TCF4: variants seen among roughly 807,000 people sequenced by gnomAD.
TCF4 encodes the protein transcription factor 4.
A neutral mutation model predicts 82.1 loss-of-function variants in TCF4; 3 were observed. The ratio of observed to expected loss-of-function variants is 0.04; its 90% CI spans 0.02 to 0.09. The LOEUF (loss-of-function observed/expected upper bound fraction) is 0.09. Among genes scored for constraint, TCF4 ranks in the 10% least tolerant of loss-of-function variants. The pLI, the probability that TCF4 is intolerant of heterozygous loss-of-function variation, is 1.00. For synonymous variants in TCF4, 276 were observed against 309.6 expected (o/e 0.89, Z 1.14); for missense variants, 518 against 852.7 (o/e 0.61, Z 4.89).
At chr18:55,234,082 G>A (rs982857183) in intron 16 of TCF4, among the ~76,000 whole-genome samples, 60 of 152,194 alleles carry the variant, frequency 3.9e-4, no homozygotes, top group African/African-American at 1.4e-3. Flanking sequence ...CCGGTATGAG[G>A]CAATCATTAG....
chr18:55,331,088 A>C (rs972642325), intron 8 of TCF4, among the ~76,000 whole-genome samples: 2 of 152,232 alleles, frequency 1.3e-5, no homozygotes, highest in African/African-American at 4.8e-5. Flanking sequence ...CAGTTGACCA[A>C]GCAAAACTCC....
At chr18:55,510,245 C>A (rs1014557542) in intron 3 of TCF4, among the ~76,000 whole-genome samples, 4 of 152,154 alleles carry the variant, frequency 2.6e-5, no homozygotes, top group African/African-American at 9.7e-5. Flanking sequence ...GACTGAGTCA[C>A]AGCAGAGGAT....
intron 3 of TCF4, among the ~76,000 whole-genome samples, chr18:55,490,464 C>G (rs1056487665): frequency 1.3e-5 from 2 of 152,048 alleles, no homozygotes; most frequent in Admixed American, 1.3e-4. Context: ...TACTGTTTGA[C>G]AGATTAAATG....
intron 15 of TCF4, among the ~76,000 whole-genome samples, chr18:55,246,205 G>T (rs1437976261): frequency 2.0e-5 from 3 of 151,548 alleles, no homozygotes; most frequent in African/African-American, 7.3e-5. Flanking sequence ...AGAATATGAT[G>T]AGGTTATAGG....
At chr18:55,537,437 A>G (rs2146871389) in intron 3 of TCF4, among the ~76,000 whole-genome samples, 1 of 152,182 alleles carries the variant, frequency 6.6e-6, no homozygotes, top group Middle Eastern at 3.4e-3. Flanking sequence ...AAAAAACACA[A>G]AAACTACCAA....
intron 8 of TCF4, chr18:55,321,873 A>G (rs2147498299): frequency 7.0e-7 from 1 of 1,437,518 alleles, no homozygotes; most frequent in Non-Finnish European, 9.1e-7. Flanking sequence ...TATGCAAAGC[A>G]GGAAGAGACC....
chr18:55,341,814 T>C (rs1335814565), intron 8 of TCF4, among the ~76,000 whole-genome samples: 1 of 152,146 alleles, frequency 6.6e-6, no homozygotes, highest in Non-Finnish European at 1.5e-5. Context: ...TGTTACACTT[T>C]GTGGGTTATT....
chr18:55,371,237 T>C (rs1002865736), intron 6 of TCF4, among the ~76,000 whole-genome samples: 1 of 152,200 alleles, frequency 6.6e-6, no homozygotes, highest in East Asian at 1.9e-4. Flanking sequence ...TGATACTTGG[T>C]CTTGGTAGAA....
chr18:55,331,714 C>T (rs1196115143), intron 8 of TCF4, among the ~76,000 whole-genome samples: 1 of 152,186 alleles, frequency 6.6e-6, no homozygotes, highest in Non-Finnish European at 1.5e-5. Flanking sequence ...ATAAAACATG[C>T]ACACAATATG....
chr18:55,595,804 A>AT (rs888218937), intron 2 of TCF4, among the ~76,000 whole-genome samples: 11 of 151,842 alleles, frequency 7.2e-5, no homozygotes, highest in African/African-American at 1.2e-4. Context: ...GGGTTTTGTC[A>AT]TTTTTTTTGG....
intron 2 of TCF4, among the ~76,000 whole-genome samples, chr18:55,611,905 A>G (rs1400632530): frequency 2.6e-5 from 4 of 152,100 alleles, no homozygotes; most frequent in Non-Finnish European, 5.9e-5. Flanking sequence ...AGTAGCTGGG[A>G]ATACAGGCAC....
At chr18:55,557,944 C>A (rs1031438316) in intron 3 of TCF4, among the ~76,000 whole-genome samples, 1 of 152,130 alleles carries the variant, frequency 6.6e-6, no homozygotes, top group Non-Finnish European at 1.5e-5. Flanking sequence ...GGGCTGAGTT[C>A]TTTAAATGCC....
At chr18:55,361,623 T>C (rs77115755) in intron 6 of TCF4, among the ~76,000 whole-genome samples, 8,442 of 152,270 alleles carry the variant, frequency 0.055, 375 homozygotes, top group African/African-American at 0.12. Context: ...TCCCCAGCTA[T>C]GCTGGGGAGG....
chr18:55,586,038 G>A lies in TCF4; in HGVS notation c.73-686C>T, dbSNP rs2097641737. On this transcript the variant is annotated intron_variant, in intron 2 of 19. Transcript: ENST00000354452. ...GGAGAAAGTGCAACAAGCAGAAAGG[G>A]GGCTGCAAAGCTGCCTGCCTAGGGC... 6 of 1,378,830 alleles carry A rather than the reference G, an allele frequency of 4.4e-6. No homozygotes were observed. In the South Asian group the frequency reaches 8.1e-5, roughly 19 times the overall value. The allele number at this position is 1,378,830 out of a possible 1,614,324, so 85.4% of individuals were successfully genotyped here. A position where few individuals can be genotyped will look rare whatever the true frequency, so the allele number is the denominator to read the frequency against.
At chr18:55,607,281 G>C in intron 2 of TCF4, among the ~76,000 whole-genome samples, 1 of 152,156 alleles carries the variant, frequency 6.6e-6, no homozygotes, top group East Asian at 1.9e-4. Context: ...CAAAGCATCT[G>C]ATAAAAATGT....
chr18:55,311,484 C>G (rs1183946211), intron 8 of TCF4, among the ~76,000 whole-genome samples: 2 of 152,230 alleles, frequency 1.3e-5, no homozygotes, highest in Non-Finnish European at 1.5e-5. Context: ...GGGGAACACC[C>G]TGTTCTAAAG....
intron 2 of TCF4, among the ~76,000 whole-genome samples, chr18:55,608,209 A>G (rs1233421839): frequency 6.6e-6 from 1 of 152,184 alleles, no homozygotes; most frequent in Admixed American, 6.6e-5. Flanking sequence ...AGATTTTAAT[A>G]TACTGATATT....
At chr18:55,356,630 T>G (rs2083596589) in intron 6 of TCF4, among the ~76,000 whole-genome samples, 1 of 152,186 alleles carries the variant, frequency 6.6e-6, no homozygotes, top group Admixed American at 6.5e-5. Context: ...GATGTTACAT[T>G]CGAACTCTTG....
intron 5 of TCF4, among the ~76,000 whole-genome samples, chr18:55,416,052 C>T (rs1002772464): frequency 3.3e-5 from 5 of 152,114 alleles, no homozygotes; most frequent in Non-Finnish European, 7.4e-5. Context: ...ATTGTCTATT[C>T]TGTGTCTCTA....
Sources: gnomAD v4.1 joint callset for allele counts (sites outside exome capture counted in the v4.1 genomes callset) on GRCh38, gnomAD v4.1.1 for gene constraint, MANE v1.5 for transcripts, NCBI Gene and HGNC (gene_info 2026-07-23, HGNC 2026-07-21) for gene names.